Variants in FRMD4A observed in about 807,000 individuals in gnomAD.
FRMD4A encodes FERM domain containing 4A.
In FRMD4A, 29 loss-of-function variants were observed where a neutral mutation model predicts 129.1. The observed-to-expected ratio is 0.22, with a 90% confidence interval of 0.17 to 0.31. FRMD4A has a LOEUF of 0.31. FRMD4A is among the 10% of genes least tolerant of loss of function. FRMD4A has a pLI of 1.00. For missense variants in FRMD4A, 1,272 were observed against 1,375.8 expected (o/e 0.92, Z 1.19); for synonymous variants, 634 against 571.6 (o/e 1.11, Z -1.56).
intron 2 of FRMD4A, among the ~76,000 whole-genome samples, chr10:13,860,625 G>A (rs934751462): frequency 2.6e-5 from 4 of 152,100 alleles, no homozygotes; most frequent in Non-Finnish European, 5.9e-5. Context: ...GAAAGGATGC[G>A]CATCAGTAGA....
At chr10:13,781,393 T>C (rs111360727) in intron 6 of FRMD4A, among the ~76,000 whole-genome samples, 1,305 of 99,536 alleles carry the variant, frequency 0.013, 7 homozygotes, top group African/African-American at 0.051. Flanking sequence ...TTTTTTTTTT[T>C]CTGAGACAGA....
chr10:14,010,179 A>C (rs147085004), intron 2 of FRMD4A, among the ~76,000 whole-genome samples: 56 of 152,300 alleles, frequency 3.7e-4, no homozygotes, highest in African/African-American at 1.2e-3. Context: ...GACCCAGGCC[A>C]GGGCAAAGCC....
At chr10:14,007,219 T>A (rs2095665307) in intron 2 of FRMD4A, 1 of 152,170 alleles carries the variant, frequency 6.6e-6, no homozygotes, top group Non-Finnish European at 1.5e-5. Context: ...AAGACGTCTA[T>A]GTAGGTGACG....
chr10:14,277,619 A>G (rs936639288), intron 2 of FRMD4A, among the ~76,000 whole-genome samples: 1 of 152,264 alleles, frequency 6.6e-6, no homozygotes, highest in African/African-American at 2.4e-5. Context: ...CAGCCCGAAC[A>G]AACCAAGACA....
chr10:14,086,629 T>C (rs1836294842), intron 2 of FRMD4A, among the ~76,000 whole-genome samples: 2 of 152,342 alleles, frequency 1.3e-5, no homozygotes, highest in East Asian at 3.9e-4. Flanking sequence ...ACTGCCCTCC[T>C]TAACCAGGGT....
At chr10:14,213,188 G>A (rs1842978744) in intron 2 of FRMD4A, among the ~76,000 whole-genome samples, 1 of 152,176 alleles carries the variant, frequency 6.6e-6, no homozygotes, top group Non-Finnish European at 1.5e-5. Context: ...AGGCTGCAGT[G>A]AGCTATGATT....
chr10:13,952,231 C>T (rs2095377235), intron 2 of FRMD4A, among the ~76,000 whole-genome samples: 1 of 151,666 alleles, frequency 6.6e-6, no homozygotes, highest in South Asian at 2.1e-4. Flanking sequence ...GGCGTGGTGG[C>T]TCATGTCTGT....
intron 2 of FRMD4A, among the ~76,000 whole-genome samples, chr10:14,319,359 T>C (rs1846884734): frequency 6.8e-6 from 1 of 146,168 alleles, no homozygotes; most frequent in Non-Finnish European, 1.5e-5. Context: ...CCTCTCTCTC[T>C]CTCTCTCTCA....
intron 18 of FRMD4A, among the ~76,000 whole-genome samples, chr10:13,665,546 G>T (rs1229501821): frequency 1.3e-5 from 2 of 152,160 alleles, no homozygotes; most frequent in Non-Finnish European, 2.9e-5. Flanking sequence ...TTTACCAAAG[G>T]TCATCACCCA....
At chr10:14,003,209 G>T (rs2095649093) in intron 2 of FRMD4A, among the ~76,000 whole-genome samples, 1 of 152,298 alleles carries the variant, frequency 6.6e-6, no homozygotes, top group African/African-American at 2.4e-5. Context: ...AGCAGGACGG[G>T]GAGAGACGTT....
chr10:13,698,825 G>A (rs921012520), intron 14 of FRMD4A, among the ~76,000 whole-genome samples: 2 of 152,206 alleles, frequency 1.3e-5, no homozygotes, highest in African/African-American at 2.4e-5. Flanking sequence ...ACCTGTCACT[G>A]CAGGCTGGGG....
At chr10:14,180,635 A>G (rs1312936742) in intron 2 of FRMD4A, among the ~76,000 whole-genome samples, 1 of 152,226 alleles carries the variant, frequency 6.6e-6, no homozygotes, top group Non-Finnish European at 1.5e-5. Context: ...GTGTGGCACC[A>G]GGCATTGCAT....
chr10:14,058,449 C>G (rs976590622), intron 2 of FRMD4A, among the ~76,000 whole-genome samples: 1 of 152,122 alleles, frequency 6.6e-6, no homozygotes, highest in Non-Finnish European at 1.5e-5. Context: ...ATGGGAGAGT[C>G]TGGGAGAGAA....
At chr10:13,873,176 C>A (rs1300497493) in intron 2 of FRMD4A, among the ~76,000 whole-genome samples, 3 of 107,678 alleles carry the variant, frequency 2.8e-5, no homozygotes, top group African/African-American at 3.6e-5. Context: ...GACACTGTCT[C>A]AAAAAAAATA....
intron 2 of FRMD4A, among the ~76,000 whole-genome samples, chr10:14,233,850 T>C (rs1843713298): frequency 6.6e-6 from 1 of 152,246 alleles, no homozygotes; most frequent in Admixed American, 6.5e-5. Context: ...CAGAATCTGC[T>C]TCAGATTTTA....
At chr10:14,064,785 C>T (rs1380017309) in intron 2 of FRMD4A, among the ~76,000 whole-genome samples, 1 of 152,032 alleles carries the variant, frequency 6.6e-6, no homozygotes, top group African/African-American at 2.4e-5. Context: ...ACTGTGTTGG[C>T]CAGGATGGTC....
At chr10:14,221,804 C>G (rs549314197) in intron 2 of FRMD4A, among the ~76,000 whole-genome samples, 3 of 152,076 alleles carry the variant, frequency 2.0e-5, no homozygotes, top group Non-Finnish European at 4.4e-5. Context: ...GTCCTCCTGC[C>G]TCACCCTCCC....
chr10:14,246,983 G>A (rs1844264945), intron 2 of FRMD4A, among the ~76,000 whole-genome samples: 1 of 152,074 alleles, frequency 6.6e-6, no homozygotes, highest in South Asian at 2.1e-4. Context: ...CTTCCCTGAG[G>A]GGTATATCAA....
intron 2 of FRMD4A, among the ~76,000 whole-genome samples, chr10:13,862,808 C>T (rs2094312094): frequency 6.6e-6 from 1 of 152,184 alleles, no homozygotes; most frequent in Non-Finnish European, 1.5e-5. Context: ...GAAAACTTCA[C>T]CATTCTGGGT....
Sources: allele counts gnomAD v4.1 joint callset (sites outside exome capture counted in the v4.1 genomes callset), GRCh38; gene constraint gnomAD v4.1.1; transcripts MANE v1.5; gene names NCBI Gene and HGNC (gene_info 2026-07-23, HGNC 2026-07-21).